GRIN2B: variants seen among roughly 807,000 people sequenced by gnomAD.
GRIN2B encodes glutamate ionotropic receptor NMDA type subunit 2B.
In GRIN2B, 5 loss-of-function variants were observed where a neutral mutation model predicts 114.5. That is an observed-to-expected ratio of 0.04 (90% CI 0.02 to 0.09). GRIN2B has a LOEUF of 0.09. GRIN2B is among the 10% of genes least tolerant of loss of function. GRIN2B has a pLI of 1.00. For missense variants in GRIN2B, 1,108 were observed against 1,943.5 expected (o/e 0.57, Z 8.08); for synonymous variants, 787 against 745.1 (o/e 1.06, Z -0.92).
chr12:13,966,210 G>C (rs1867787722), intron 2 of GRIN2B, among the ~76,000 whole-genome samples: 1 of 152,070 alleles, frequency 6.6e-6, no homozygotes, highest in Non-Finnish European at 1.5e-5. Context: ...GTGAGTTCTT[G>C]GGAAGACCAA....
intron 6 of GRIN2B, among the ~76,000 whole-genome samples, chr12:13,616,034 C>T (rs979776964): frequency 2.0e-5 from 3 of 152,166 alleles, no homozygotes; most frequent in Non-Finnish European, 4.4e-5. Context: ...TTGTTTCCCA[C>T]TCTAGGCACT....
intron 4 of GRIN2B, among the ~76,000 whole-genome samples, chr12:13,694,856 T>C (rs1028890888): frequency 6.6e-6 from 1 of 151,708 alleles, no homozygotes; most frequent in African/African-American, 2.4e-5. Context: ...TTTCCAGGAC[T>C]GGGGAAAGTG....
At position 13,865,646 on chromosome 12, in the gene GRIN2B, GA is replaced by G. The variant is rs1025093263; in HGVS notation, c.411+151del. 932 of 742,402 alleles carry G rather than the reference GA, an allele frequency of 1.3e-3. 4 individuals carry two copies. In the African/African-American group the frequency reaches 0.014, roughly 11 times the overall value. 46.0% of individuals were successfully genotyped at this position (742,402 alleles called of 1,614,324 possible). On this transcript the variant is annotated intron_variant, in intron 3 of 13. Coordinates refer to ENST00000609686, the MANE Select transcript of GRIN2B (RefSeq NM_000834.5). The stretch of plus-strand genomic sequence containing the variant: ...AAACTCTGTCTCAAAGAGAGAGAGA[GA>G]AAAAAAAAGGATTAATTGCTGGCCT...
chr12:13,662,071 G>C (rs1170281053), intron 5 of GRIN2B, among the ~76,000 whole-genome samples: 1 of 152,184 alleles, frequency 6.6e-6, no homozygotes, highest in African/African-American at 2.4e-5. Flanking sequence ...ACTTAGAACA[G>C]TAGGCTAGAG....
At chr12:13,907,308 T>C (rs533051721) in intron 2 of GRIN2B, among the ~76,000 whole-genome samples, 30 of 151,932 alleles carry the variant, frequency 2.0e-4, no homozygotes, top group Non-Finnish European at 3.5e-4. Flanking sequence ...CTGGCCAACA[T>C]GGTGAAACCT....
chr12:13,904,789 G>T (rs1866511491), intron 2 of GRIN2B, among the ~76,000 whole-genome samples: 1 of 151,896 alleles, frequency 6.6e-6, no homozygotes, highest in Non-Finnish European at 1.5e-5. Flanking sequence ...GGCTTTTGTT[G>T]TTCTTGAGAA....
intron 3 of GRIN2B, among the ~76,000 whole-genome samples, chr12:13,754,790 G>A (rs547392492): frequency 6.6e-6 from 1 of 152,248 alleles, no homozygotes; most frequent in South Asian, 2.1e-4. Flanking sequence ...ACAGGTCTTG[G>A]TTTGACCTGG....
intron 2 of GRIN2B, among the ~76,000 whole-genome samples, chr12:13,929,663 G>T (rs1866986426): frequency 6.6e-6 from 1 of 152,178 alleles, no homozygotes; most frequent in African/African-American, 2.4e-5. Context: ...CTGCCATAAT[G>T]AGCTGCCTAG....
chr12:13,895,434 A>G (rs1040507083), intron 2 of GRIN2B, among the ~76,000 whole-genome samples: 1 of 152,160 alleles, frequency 6.6e-6, no homozygotes, highest in African/African-American at 2.4e-5. Context: ...TATGTGGCTG[A>G]GCCCTTAGAT....
At chr12:13,677,123 G>A (rs951227435) in intron 4 of GRIN2B, among the ~76,000 whole-genome samples, 2 of 152,092 alleles carry the variant, frequency 1.3e-5, no homozygotes, top group African/African-American at 4.8e-5. Flanking sequence ...TACCATAATG[G>A]CCCAAGGAAT....
intron 10 of GRIN2B, among the ~76,000 whole-genome samples, chr12:13,576,808 C>G (rs969702154): frequency 2.0e-4 from 30 of 152,334 alleles, no homozygotes; most frequent in African/African-American, 5.3e-4. Context: ...TCTGCTCGGC[C>G]TCCCAAGGTG....
At position 13,798,795 on chromosome 12, in the gene GRIN2B, C is replaced by A. The variant is rs902147650; in HGVS notation, c.412-44880G>T. Among the ~76,000 whole-genome samples the A allele has an allele frequency of 4.6e-5, 7 of 152,312 alleles. No individual in the cohort carries two copies. In the East Asian group the frequency reaches 7.7e-4, roughly 17 times the overall value. On this transcript the variant is annotated intron_variant, in intron 3 of 13. Transcript: ENST00000609686. ...CTAGAACATTTCAACAGGAAAAAAA[C>A]CAAACTAGATGGATCTTAGAACATG...
chr12:13,814,479 T>G (rs1305642257), intron 3 of GRIN2B, among the ~76,000 whole-genome samples: 1 of 152,206 alleles, frequency 6.6e-6, no homozygotes, highest in East Asian at 1.9e-4. Flanking sequence ...AACCTACAAA[T>G]CAGCTTAGTA....
At chr12:13,912,036 G>A (rs140704794) in intron 2 of GRIN2B, among the ~76,000 whole-genome samples, 5 of 152,194 alleles carry the variant, frequency 3.3e-5, no homozygotes, top group East Asian at 3.9e-4. Context: ...CTCAGAACTC[G>A]CCTACTGCCT....
intron 10 of GRIN2B, among the ~76,000 whole-genome samples, chr12:13,599,077 C>T (rs960232607): frequency 6.6e-6 from 1 of 152,142 alleles, no homozygotes. Context: ...CTGATGCTCT[C>T]GATCAAAGCC....
chr12:13,929,405 A>G (rs946638800), intron 2 of GRIN2B, among the ~76,000 whole-genome samples: 1 of 152,248 alleles, frequency 6.6e-6, no homozygotes, highest in South Asian at 2.1e-4. Context: ...TTACCAGTCC[A>G]TTTCTGCACT....
At chr12:13,738,041 C>G (rs2136612621) in intron 4 of GRIN2B, among the ~76,000 whole-genome samples, 1 of 152,310 alleles carries the variant, frequency 6.6e-6, no homozygotes, top group South Asian at 2.1e-4. Flanking sequence ...CCTACAAACC[C>G]TTTCCATCTC....
chr12:13,886,873 C>T (rs1010712417), intron 2 of GRIN2B, among the ~76,000 whole-genome samples: 17 of 152,224 alleles, frequency 1.1e-4, no homozygotes, highest in Non-Finnish European at 2.4e-4. Context: ...ATGTCACATG[C>T]ACACTCCAAG....
chr12:13,641,771 T>C (rs756822657), intron 5 of GRIN2B, among the ~76,000 whole-genome samples: 14 of 152,198 alleles, frequency 9.2e-5, no homozygotes, highest in Non-Finnish European at 1.9e-4. Context: ...AAGTTCAGTT[T>C]AGAAAATATA....
Sources: gnomAD v4.1 joint callset for allele counts (sites outside exome capture counted in the v4.1 genomes callset) on GRCh38, gnomAD v4.1.1 for gene constraint, MANE v1.5 for transcripts, NCBI Gene and HGNC (gene_info 2026-07-23, HGNC 2026-07-21) for gene names.